Variants in FASTKD1 observed in about 807,000 individuals in gnomAD.
The protein encoded by FASTKD1 is FAST kinase domains 1.
Under a neutral mutation model 90.9 loss-of-function variants are expected in FASTKD1, and 94 were observed. The ratio of observed to expected loss-of-function variants is 1.03; its 90% confidence interval spans 0.88 to 1.23. The LOEUF (loss-of-function observed/expected upper bound fraction) is 1.23, where lower values mean the gene tolerates loss of function less well. FASTKD1 is among the 50% of genes most tolerant of loss of function. FASTKD1 has a pLI of 0.00. For missense variants in FASTKD1, 945 were observed against 993.5 expected, an observed-to-expected ratio of 0.95 and a Z score of 0.66; for synonymous variants, 319 against 345.8, an observed-to-expected ratio of 0.92 and a Z score of 0.86.
At chr2:169,554,577 TTG>T (rs1553537817) in intron 7 of FASTKD1, among the ~76,000 whole-genome samples, 15,079 of 141,750 alleles carry the variant, frequency 0.11, 1,055 homozygotes, top group Non-Finnish European at 0.14. Flanking sequence ...GGCAGGAGAA[TTG>T]CTTGAACTGG....
intron 12 of FASTKD1, among the ~76,000 whole-genome samples, chr2:169,532,512 A>C (rs113905433): frequency 6.6e-6 from 1 of 152,038 alleles, no homozygotes; most frequent in African/African-American, 2.4e-5. Flanking sequence ...TTGGCCAAAA[A>C]GAAAAACCTA....
intron 5 of FASTKD1, 54 bp from the exon 6 acceptor site, chr2:169,557,351 A>AT (rs1238579591): frequency 5.1e-5 from 49 of 967,086 alleles, no homozygotes; most frequent in South Asian, 1.6e-4. Flanking sequence ...TTAGCTTGCA[A>AT]TTTTTTTTAA....
At chr2:169,541,120 G>T (rs1341331520) in intron 9 of FASTKD1, among the ~76,000 whole-genome samples, 1 of 152,116 alleles carries the variant, frequency 6.6e-6, no homozygotes, top group Non-Finnish European at 1.5e-5. Context: ...TAATAGTGAT[G>T]ATTTCTACCA....
chr2:169,537,328 A>G lies in FASTKD1; in HGVS notation c.2087T>C (p.Met696Thr), dbSNP rs763918504. Reference sequence around the variant, plus strand: ...AAAAATCTGCTGTTGTGTTCCATCCATGCCACCAATACCTTTATAAAAAAA... The same window carrying G: ...AAAAATCTGCTGTTGTGTTCCATCCGTGCCACCAATACCTTTATAAAAAAA... Reference protein sequence around the residue: ...CQQYNKGIGGMDGTQQQIFKM... With the variant: ...CQQYNKGIGGTDGTQQQIFKM... The change falls in exon 12 of 15, where the codon ATG (methionine) becomes ACG (threonine). Residue 696 changes from methionine to threonine, a missense_variant. Met to Thr is a moderately conservative substitution (Grantham distance 81). Transcript: ENST00000453153. The G allele has an allele frequency of 5.6e-6, 9 of 1,594,334 alleles. No individual in the cohort carries two copies. The highest frequency in any genetic ancestry group is 7.7e-6 in the Non-Finnish European group (9 of 1,163,090).
intron 2 of FASTKD1, among the ~76,000 whole-genome samples, chr2:169,570,021 T>C (rs964454701): frequency 2.0e-5 from 3 of 152,192 alleles, no homozygotes; most frequent in Non-Finnish European, 4.4e-5. Context: ...ATCATCCTTT[T>C]TCAGTTTAAC....
rs1553538834 is a variant in FASTKD1 at position 169,561,744 on chromosome 2, CATTATAAATTATTTATTAATTT to C, written c.573-981_573-960del. Among the ~76,000 whole-genome samples, 12 of 72,952 alleles carry C rather than the reference CATTATAAATTATTTATTAATTT, an allele frequency of 1.6e-4. No individual in the cohort carries two copies. In the South Asian group the frequency reaches 3.9e-3, roughly 24 times the overall value. The allele number at this position is 72,952 out of a possible 152,430, so 47.9% of individuals were successfully genotyped here. A position where few individuals can be genotyped will look rare whatever the true frequency, so the allele number is the denominator to read the frequency against. On this transcript the variant is annotated intron_variant, in intron 4 of 14. Coordinates refer to ENST00000453153, the MANE Select transcript of FASTKD1 (RefSeq NM_024622.6). ...ATTAATCTATTATAAATTAATTATT[CATTATAAATTATTTATTAATTT>C]ATTGTAAATTATTTATTAATTTATT... is the stretch of plus-strand genomic sequence containing the variant.
chr2:169,532,168 C>T (rs913182564), intron 12 of FASTKD1, among the ~76,000 whole-genome samples: 1 of 152,006 alleles, frequency 6.6e-6, no homozygotes, highest in Non-Finnish European at 1.5e-5. Flanking sequence ...ACCTGTAATC[C>T]CAGCATTTTG....
At chr2:169,536,972 G>T in intron 12 of FASTKD1, 1 of 289,000 alleles carries the variant, frequency 3.5e-6, no homozygotes, top group Middle Eastern at 1.1e-3. Context: ...GTTTTACTTA[G>T]AATTGGTGGA....
At chr2:169,537,495 C>T (rs564205201) in intron 11 of FASTKD1, among the ~76,000 whole-genome samples, 155 bp from the exon 12 acceptor site, 1 of 152,228 alleles carries the variant, frequency 6.6e-6, no homozygotes, top group Admixed American at 6.5e-5. Flanking sequence ...AGCAATTCTC[C>T]TGCCTCAGCC....
In FASTKD1 at chr2:169,529,718, G is replaced by T; in HGVS notation, c.*107C>A. ...CCTTTGTTATTCTCAAACATGCCAG[G>T]CATGTTCCCACCTTAGGACATTTGT... On this transcript the variant is annotated 3_prime_UTR_variant, in exon 15 of 15. Coordinates refer to ENST00000453153, the MANE Select transcript of FASTKD1 (RefSeq NM_024622.6). 2.8e-6 allele frequency: 2 copies of T among 709,276 alleles called. No individual in the cohort carries two copies. Among genetic ancestry groups the T allele is most frequent in the Non-Finnish European group, 4.7e-6 (2 of 422,424 alleles). 43.9% of individuals were successfully genotyped at this position (709,276 alleles called of 1,614,324 possible).
In FASTKD1 at chr2:169,529,827, A is replaced by G; in HGVS notation, c.2542T>C (p.Ter848GlnextTer24). The G allele has an allele frequency of 1.9e-6, 3 of 1,599,746 alleles. No individual in the cohort carries two copies. The highest frequency in any genetic ancestry group is 2.6e-6 in the Non-Finnish European group (3 of 1,171,958). ...ATAACATTCATTTTAAATAAAAACT[A>G]CAAACATGACTTGACTTCTCCAAAT... ...CIFGEVKSCL[*>Q] Residue 848 changes from the stop codon to glutamine, a stop_lost, in exon 15 of 15, where the codon TAG becomes CAG. Coordinates refer to ENST00000453153, the MANE Select transcript of FASTKD1 (RefSeq NM_024622.6).
At position 169,548,731 on chromosome 2, in the gene FASTKD1, CAAAAAAAAAA is replaced by C. The variant is rs58560988; in HGVS notation, c.1215-2037_1215-2028del. Among the ~76,000 whole-genome samples the C allele has an allele frequency of 8.4e-5, 3 of 35,658 alleles. No homozygotes were observed. The Admixed American group carries it at 1.4e-3, about 16-fold the overall frequency. 23.4% of individuals were successfully genotyped at this position (35,658 alleles called of 152,430 possible). On this transcript the variant is annotated intron_variant, in intron 7 of 14. Coordinates refer to ENST00000453153, the MANE Select transcript of FASTKD1 (RefSeq NM_024622.6). ...TGGGTGACAGAGCAAGACTCCGCCTCAAAAAAAAAAAAAAAAAAAAAAAAACTTTAGGTAT... is the reference window on the plus strand; with the variant it reads ...TGGGTGACAGAGCAAGACTCCGCCTCAAAAAAAAAAAAAAACTTTAGGTAT...
chr2:169,530,678 G>T lies in FASTKD1; in HGVS notation c.2351C>A (p.Ser784Ter). 6.3e-7 allele frequency: 1 copy of T among 1,599,904 alleles called. No homozygotes were observed. The highest frequency in any genetic ancestry group is 8.5e-7 in the Non-Finnish European group (1 of 1,174,720). The change falls in exon 14 of 15, where the codon TCA becomes TAA. Residue 784 changes from serine (S) to a stop codon, truncating the protein, a stop_gained. Transcript: ENST00000453153. LOFTEE classifies it high-confidence loss of function. ...AGGGATATTTCTACAAAGTGCTTTT[G>T]AATCCAAAAATTCCAAAGCAATCCT... ...AERIALEFLD[S>*]KALCRNIPHM...
intron 12 of FASTKD1, among the ~76,000 whole-genome samples, chr2:169,532,541 T>G (rs116466375): frequency 6.6e-6 from 1 of 151,652 alleles, no homozygotes; most frequent in East Asian, 1.9e-4. Flanking sequence ...ACCTAAAATC[T>G]AATCAAATCT....
chr2:169,557,056 T>C (rs571886798), intron 6 of FASTKD1, 131 bp downstream of exon 6: 2 of 645,698 alleles, frequency 3.1e-6, no homozygotes, highest in African/African-American at 3.8e-5. Context: ...ACATAAACAG[T>C]GGCTTAAGCA....
At chr2:169,546,956 A>C (rs996529198) in intron 7 of FASTKD1, among the ~76,000 whole-genome samples, 1 of 152,068 alleles carries the variant, frequency 6.6e-6, no homozygotes. Context: ...GACACAATCT[A>C]CCTGGGGACA....
At position 169,547,524 on chromosome 2, in the gene FASTKD1, A is replaced by G. The variant is rs569253478; in HGVS notation, c.1215-820T>C. 6.6e-5 allele frequency among the ~76,000 whole-genome samples: 10 copies of G among 152,342 alleles called. No homozygotes were observed. The East Asian group carries it at 1.9e-3, about 29-fold the overall frequency. ...AACAAAAGGCTATAGCAAGAGCTAT[A>G]GAAGTTATGAACTAGTAACTAGGAC... On this transcript the variant is annotated intron_variant, in intron 7 of 14. Coordinates refer to ENST00000453153, the MANE Select transcript of FASTKD1 (RefSeq NM_024622.6).
rs774869320 is a variant in FASTKD1 at position 169,571,848 on chromosome 2, G to C, written c.182C>G (p.Ala61Gly). 1.1e-5 allele frequency: 18 copies of C among 1,613,814 alleles called. No individual in the cohort carries two copies. The East Asian group carries it at 3.3e-4, about 30-fold the overall frequency. ...QMFGFIERNK[A>G]ILSEKQVGCA... is the part of the protein sequence containing the mutation. ...TCCCACTTGCTTTTCTGAAAGTATG[G>C]CTTTGTTTCTTTCAATAAAACCAAA... The change falls in exon 2 of 15, where the codon GCC becomes GGC. Residue 61 changes from alanine (A) to glycine (G), a missense_variant. Coordinates refer to ENST00000453153, the MANE Select transcript of FASTKD1 (RefSeq NM_024622.6).
chr2:169,564,926 C>A (rs979537039), intron 3 of FASTKD1, among the ~76,000 whole-genome samples: 2 of 151,630 alleles, frequency 1.3e-5, no homozygotes, highest in Non-Finnish European at 2.9e-5. Context: ...GAATATTACC[C>A]CATTGTGTAT....
Sources: allele counts gnomAD v4.1 joint callset (sites outside exome capture counted in the v4.1 genomes callset), GRCh38; gene constraint gnomAD v4.1.1; transcripts MANE v1.5; gene names NCBI Gene and HGNC (gene_info 2026-07-23, HGNC 2026-07-21).